Variants in ITGBL1 observed in about 807,000 individuals in gnomAD.
ITGBL1 encodes the protein integrin subunit beta like 1.
In ITGBL1, 51 loss-of-function variants were observed where a neutral mutation model predicts 68.5. That is an observed-to-expected ratio of 0.74 (90% CI 0.59 to 0.94). The LOEUF (loss-of-function observed/expected upper bound fraction) is 0.94, where lower values mean the gene tolerates loss of function less well. Ranked by LOEUF, ITGBL1 falls within the 40% of genes least tolerant of loss-of-function variation. ITGBL1 has a pLI of 0.00. For synonymous variants in ITGBL1, 209 were observed against 227.3 expected (o/e 0.92, Z 0.72); for missense variants, 649 against 647.4 (o/e 1.00, Z -0.03).
At chr13:101,634,004 A>C (rs1477074481) in intron 7 of ITGBL1, among the ~76,000 whole-genome samples, 1 of 152,086 alleles carries the variant, frequency 6.6e-6, no homozygotes, top group Non-Finnish European at 1.5e-5. Flanking sequence ...AATATGACTA[A>C]GATTTTGTAC....
intron 2 of ITGBL1, among the ~76,000 whole-genome samples, chr13:101,462,670 C>A (rs948458792): frequency 6.6e-6 from 1 of 152,126 alleles, no homozygotes; most frequent in Non-Finnish European, 1.5e-5. Flanking sequence ...GCAACCTCCA[C>A]CTCCCGGGGT....
At chr13:101,595,502 C>CA (rs137872832) in intron 6 of ITGBL1, among the ~76,000 whole-genome samples, 43,333 of 151,364 alleles carry the variant, frequency 0.29, 6,918 homozygotes, top group Non-Finnish European at 0.38. Flanking sequence ...AACTCAATAG[C>CA]AAAAAAAATC....
chr13:101,586,801 T>G (rs7325793), intron 6 of ITGBL1, among the ~76,000 whole-genome samples: 2,039 of 152,302 alleles, frequency 0.013, 46 homozygotes, highest in African/African-American at 0.046. Context: ...ACCTCTGCAG[T>G]ATTTCATCAT....
At chr13:101,605,409 C>T (rs929508318) in intron 7 of ITGBL1, among the ~76,000 whole-genome samples, 1 of 128,264 alleles carries the variant, frequency 7.8e-6, no homozygotes, top group Non-Finnish European at 1.6e-5. Context: ...TGTGTATATG[C>T]GTATATATAC....
At chr13:101,470,199 A>G (rs1412987284) in intron 2 of ITGBL1, among the ~76,000 whole-genome samples, 1 of 152,240 alleles carries the variant, frequency 6.6e-6, no homozygotes, top group African/African-American at 2.4e-5. Context: ...CTGTTACCTT[A>G]GCTAACCTTG....
At chr13:101,589,457 T>G (rs2050613962) in intron 6 of ITGBL1, among the ~76,000 whole-genome samples, 1 of 152,220 alleles carries the variant, frequency 6.6e-6, no homozygotes, top group African/African-American at 2.4e-5. Context: ...GGATGGCTTA[T>G]GTATGTCACT....
At chr13:101,540,036 T>C (rs1457053847) in intron 2 of ITGBL1, among the ~76,000 whole-genome samples, 1 of 152,350 alleles carries the variant, frequency 6.6e-6, no homozygotes, top group South Asian at 2.1e-4. Flanking sequence ...TATTTTGCTG[T>C]GCAGAAGCTC....
intron 2 of ITGBL1, among the ~76,000 whole-genome samples, chr13:101,558,154 A>G (rs2050040816): frequency 6.7e-6 from 1 of 150,154 alleles, no homozygotes; most frequent in Admixed American, 6.6e-5. Flanking sequence ...AGGAAACTAA[A>G]GCAAGGATTA....
intron 2 of ITGBL1, among the ~76,000 whole-genome samples, chr13:101,485,001 G>C (rs906919027): frequency 2.0e-5 from 3 of 152,088 alleles, no homozygotes; most frequent in Admixed American, 6.6e-5. Flanking sequence ...ACCGTATACT[G>C]TATACAGAGG....
At chr13:101,691,203 T>C (rs1404269838) in intron 7 of ITGBL1, among the ~76,000 whole-genome samples, 1 of 152,126 alleles carries the variant, frequency 6.6e-6, no homozygotes, top group East Asian at 1.9e-4. Context: ...GGAATATCGT[T>C]GAAGGAGGGA....
At chr13:101,617,323 G>A (rs1490996951) in intron 7 of ITGBL1, among the ~76,000 whole-genome samples, 6 of 152,004 alleles carry the variant, frequency 3.9e-5, no homozygotes, top group African/African-American at 1.5e-4. Flanking sequence ...TGTCACTGAA[G>A]TTTCTTTTAA....
At chr13:101,682,616 A>G (rs966760391) in intron 7 of ITGBL1, among the ~76,000 whole-genome samples, 1 of 152,002 alleles carries the variant, frequency 6.6e-6, no homozygotes, top group East Asian at 1.9e-4. Context: ...TATTACTTCT[A>G]TTGTGAATAA....
chr13:101,668,635 A>G (rs1263456169), intron 7 of ITGBL1, among the ~76,000 whole-genome samples: 1 of 152,286 alleles, frequency 6.6e-6, no homozygotes, highest in East Asian at 1.9e-4. Flanking sequence ...CTAATATCTC[A>G]GTTTTCATGA....
At chr13:101,558,625 ATTC>A (rs2050050279) in intron 2 of ITGBL1, among the ~76,000 whole-genome samples, 1 of 152,118 alleles carries the variant, frequency 6.6e-6, no homozygotes, top group East Asian at 1.9e-4. Flanking sequence ...ATTATCATGG[ATTC>A]TCTGGTAGGG....
At chr13:101,480,250 T>A (rs2048598907) in intron 2 of ITGBL1, among the ~76,000 whole-genome samples, 1 of 152,018 alleles carries the variant, frequency 6.6e-6, no homozygotes, top group Non-Finnish European at 1.5e-5. Context: ...CTCACTAAGT[T>A]GTGGGAGCTA....
At chr13:101,616,777 C>T (rs1033451338) in intron 7 of ITGBL1, among the ~76,000 whole-genome samples, 4 of 152,290 alleles carry the variant, frequency 2.6e-5, no homozygotes, top group South Asian at 2.1e-4. Context: ...AGGTGTGAGC[C>T]GCTGCAGGCA....
chr13:101,542,385 C>T (rs2049724395), intron 2 of ITGBL1, among the ~76,000 whole-genome samples: 1 of 152,128 alleles, frequency 6.6e-6, no homozygotes, highest in Non-Finnish European at 1.5e-5. Flanking sequence ...TTTCTTAATC[C>T]TGAGTTCTAG....
intron 2 of ITGBL1, among the ~76,000 whole-genome samples, chr13:101,563,880 G>A (rs2139241722): frequency 6.6e-6 from 1 of 151,700 alleles, no homozygotes; most frequent in East Asian, 1.9e-4. Context: ...TATAAACATA[G>A]AACACCAAAT....
intron 7 of ITGBL1, among the ~76,000 whole-genome samples, chr13:101,674,137 A>G (rs2033443092): frequency 2.0e-5 from 3 of 152,200 alleles, no homozygotes; most frequent in African/African-American, 7.2e-5. Context: ...ACTTTGACAA[A>G]ACTACAATCA....
Sources: gnomAD v4.1 joint callset for allele counts (sites outside exome capture counted in the v4.1 genomes callset) on GRCh38, gnomAD v4.1.1 for gene constraint, MANE v1.5 for transcripts, NCBI Gene and HGNC (gene_info 2026-07-23, HGNC 2026-07-21) for gene names.